The following MYO3B variants were observed in gnomAD, a reference collection of about 807,000 sequenced individuals.
MYO3B encodes myosin-IIIb.
Under a neutral mutation model 174.6 loss-of-function variants are expected in MYO3B, and 156 were observed. The observed-to-expected ratio is 0.89, with a 90% CI of 0.78 to 1.02. MYO3B has a LOEUF of 1.02. Ranked by LOEUF, MYO3B falls within the 50% of genes least tolerant of loss-of-function variation. The probability of loss-of-function intolerance (pLI) is 0.00; values close to 1 mark genes in which losing one functional copy is unlikely to be tolerated. For missense variants in MYO3B, 1,632 were observed against 1,639.4 expected (o/e 1.00, Z 0.08); for synonymous variants, 563 against 569.1 (o/e 0.99, Z 0.15).
intron 32 of MYO3B, among the ~76,000 whole-genome samples, chr2:170,546,071 G>C (rs1690461106): frequency 6.6e-6 from 1 of 152,004 alleles, no homozygotes; most frequent in East Asian, 1.9e-4. Context: ...GAACATGCCT[G>C]GTGTGTTCTT....
At chr2:170,362,816 G>A (rs575677046) in intron 8 of MYO3B, among the ~76,000 whole-genome samples, 1 of 152,298 alleles carries the variant, frequency 6.6e-6, no homozygotes, top group African/African-American at 2.4e-5. Context: ...AAACAGGGGG[G>A]TGATGTTTCA....
At chr2:170,614,761 A>T (rs181935674) in intron 32 of MYO3B, among the ~76,000 whole-genome samples, 22 of 152,310 alleles carry the variant, frequency 1.4e-4, no homozygotes, top group African/African-American at 5.1e-4. Flanking sequence ...CACCAAGGCC[A>T]CAACTCCCCT....
chr2:170,336,753 T>C (rs1206303731), intron 8 of MYO3B, among the ~76,000 whole-genome samples: 5 of 152,182 alleles, frequency 3.3e-5, no homozygotes, highest in Admixed American at 3.3e-4. Context: ...TTTGATAAAA[T>C]TCTGAATTCC....
At chr2:170,427,881 A>G (rs1304934447) in intron 22 of MYO3B, among the ~76,000 whole-genome samples, 1 of 152,220 alleles carries the variant, frequency 6.6e-6, no homozygotes, top group Non-Finnish European at 1.5e-5. Flanking sequence ...AGCTCGTATA[A>G]GTGATTATTG....
intron 32 of MYO3B, among the ~76,000 whole-genome samples, chr2:170,591,109 AT>A (rs1180285534): frequency 6.6e-6 from 1 of 152,062 alleles, no homozygotes; most frequent in African/African-American, 2.4e-5. Context: ...TTGGAGCTTT[AT>A]TTTTCCCAAT....
chr2:170,353,717 G>A (rs988449100), intron 8 of MYO3B, among the ~76,000 whole-genome samples: 3 of 152,148 alleles, frequency 2.0e-5, no homozygotes, highest in Non-Finnish European at 4.4e-5. Flanking sequence ...ACTTAAAACT[G>A]TTGTAAAAAT....
chr2:170,209,679 A>G (rs945854982), intron 3 of MYO3B, among the ~76,000 whole-genome samples: 5 of 152,230 alleles, frequency 3.3e-5, no homozygotes, highest in African/African-American at 1.2e-4. Flanking sequence ...GGGTATTTAC[A>G]GTTAGAAACA....
chr2:170,466,825 G>C, intron 25 of MYO3B, 114 bp downstream of exon 25: 1 of 1,032,192 alleles, frequency 9.7e-7, no homozygotes, highest in Non-Finnish European at 1.4e-6. Context: ...TAATTGGCTA[G>C]TTGCCAGCTA....
chr2:170,194,421 C>T (rs1461376425), intron 1 of MYO3B, among the ~76,000 whole-genome samples: 1 of 151,514 alleles, frequency 6.6e-6, no homozygotes, highest in Admixed American at 6.6e-5. Context: ...GGGAGGATTG[C>T]TTGAGCCTGG....
chr2:170,373,645 C>T (rs886571341), intron 9 of MYO3B, among the ~76,000 whole-genome samples: 4 of 151,506 alleles, frequency 2.6e-5, no homozygotes, highest in African/African-American at 9.7e-5. Context: ...AGGGAGACAA[C>T]GAAGACAGAA....
chr2:170,225,426 C>T (rs1391682146), intron 6 of MYO3B, among the ~76,000 whole-genome samples: 6 of 152,054 alleles, frequency 3.9e-5, no homozygotes, highest in African/African-American at 1.4e-4. Context: ...TTGTTTTTTC[C>T]CCCAATTCTT....
intron 32 of MYO3B, among the ~76,000 whole-genome samples, chr2:170,554,926 A>G (rs74321643): frequency 1.1e-4 from 16 of 152,324 alleles, no homozygotes; most frequent in African/African-American, 3.4e-4. Flanking sequence ...GAAACAACAC[A>G]TACTCTCAAG....
chr2:170,249,756 G>T (rs775148191), intron 7 of MYO3B, among the ~76,000 whole-genome samples: 2 of 152,152 alleles, frequency 1.3e-5, no homozygotes, highest in Non-Finnish European at 2.9e-5. Flanking sequence ...TGTGGGTTCA[G>T]TTCTAGAATT....
At chr2:170,276,395 T>C (rs1417973629) in intron 7 of MYO3B, among the ~76,000 whole-genome samples, 1 of 152,202 alleles carries the variant, frequency 6.6e-6, no homozygotes, top group African/African-American at 2.4e-5. Flanking sequence ...GTAGAACCCA[T>C]ATGCTTATGG....
chr2:170,651,516 C>A, intron 32 of MYO3B, 112 bp from the exon 33 acceptor site: 1 of 764,994 alleles, frequency 1.3e-6, no homozygotes, highest in South Asian at 1.6e-5. Context: ...TTTAATATGC[C>A]CATTAAAATA....
intron 7 of MYO3B, among the ~76,000 whole-genome samples, chr2:170,321,123 G>T (rs1427159622): frequency 6.6e-6 from 1 of 151,970 alleles, no homozygotes; most frequent in African/African-American, 2.4e-5. Context: ...AAACAAACAA[G>T]AAAACTCCAT....
At chr2:170,223,634 C>G (rs2092923663) in intron 6 of MYO3B, among the ~76,000 whole-genome samples, 1 of 152,154 alleles carries the variant, frequency 6.6e-6, no homozygotes, top group Admixed American at 6.5e-5. Flanking sequence ...CAAACACATG[C>G]CAGGTAATAT....
intron 31 of MYO3B, among the ~76,000 whole-genome samples, chr2:170,543,330 T>C (rs1270620766): frequency 6.6e-6 from 1 of 152,182 alleles, no homozygotes; most frequent in African/African-American, 2.4e-5. Context: ...GAATTCAATA[T>C]GTGAAATGGA....
intron 7 of MYO3B, among the ~76,000 whole-genome samples, chr2:170,239,063 CAA>C (rs2093103202): frequency 1.3e-5 from 2 of 152,142 alleles, no homozygotes; most frequent in African/African-American, 4.8e-5. Flanking sequence ...GCCTTTGCTC[CAA>C]AAAAGTCACC....
Sources: allele counts gnomAD v4.1 joint callset (sites outside exome capture counted in the v4.1 genomes callset), GRCh38; gene constraint gnomAD v4.1.1; transcripts MANE v1.5; gene names NCBI Gene and HGNC (gene_info 2026-07-23, HGNC 2026-07-21).